Variants in MMP21 observed in about 807,000 individuals in gnomAD.
MMP21 encodes matrix metalloproteinase-21.
A neutral mutation model predicts 47.8 loss-of-function variants in MMP21; 40 were observed. The observed-to-expected ratio is 0.84, with a 90% confidence interval of 0.65 to 1.09. MMP21 has a LOEUF of 1.09. MMP21 is among the 50% of genes least tolerant of loss of function. The probability of loss-of-function intolerance (pLI) is 0.00; values close to 1 mark genes in which losing one functional copy is unlikely to be tolerated. For missense variants in MMP21, 747 were observed against 775.3 expected, an observed-to-expected ratio of 0.96 and a Z score of 0.43; for synonymous variants, 341 against 318.0, an observed-to-expected ratio of 1.07 and a Z score of -0.77.
In MMP21 at chr10:125,772,392, G is replaced by A. The variant is rs1490583126; in HGVS notation, c.838-33C>T. The A allele has an allele frequency of 1.2e-6, 2 of 1,612,822 alleles. No homozygotes were observed. Among genetic ancestry groups the A allele is most frequent in the South Asian group, 1.1e-5 (1 of 90,962 alleles). On this transcript the variant is annotated intron_variant, in intron 3 of 6. Transcript: ENST00000368808. The surrounding 1 kb of genome is among the most constrained non-coding windows in gnomAD (Gnocchi z 5.6). ...GGGACACACACCATGGGTGCTGGGT[G>A]AAGCCTGGGCGATGGATCCCTGCAT...
chr10:125,775,616 T>TGC, intron 1 of MMP21, 44 bp downstream of exon 1: 1 of 1,542,312 alleles, frequency 6.5e-7, no homozygotes, highest in Non-Finnish European at 8.8e-7. Context: ...TGTGTGCACG[T>TGC]GCACGGGCCT....
At position 125,774,227 on chromosome 10, in the gene MMP21, TGGCC is replaced by T. The variant is rs1016374413; in HGVS notation, c.297_300del (p.Ser101GlyfsTer8). ...AGGGTGGCCGCGTCCAGCTCCCCGC[TGGCC>T]GGCAGCGCGTTCGCCCGCTGGAACC... is the stretch of plus-strand genomic sequence containing the variant. On this transcript the variant is annotated frameshift_variant, in exon 2 of 7. Transcript: ENST00000368808. LOFTEE classifies it high-confidence loss of function. 7.2e-7 allele frequency: 1 copy of T among 1,392,300 alleles called. No homozygotes were observed. The highest frequency in any genetic ancestry group is 1.5e-5 in the African/African-American group (1 of 65,744). 86.2% of individuals were successfully genotyped at this position (1,392,300 alleles called of 1,614,324 possible).
intron 5 of MMP21, among the ~76,000 whole-genome samples, chr10:125,769,849 G>A (rs1008870712): frequency 3.3e-5 from 5 of 152,184 alleles, no homozygotes; most frequent in East Asian, 1.9e-4. Context: ...ACTTAGTGCC[G>A]TCTTAAAAAG....
Position 125,774,338 on chromosome 10 carries a change from C to A in MMP21, c.190G>T (p.Gly64Trp). ...CTGGGCCCCCAGGCCGCCCACACCC[C>A]TGACCAGCCGTATCTGGACAGGAAC... is the stretch of plus-strand genomic sequence containing the variant. ...QRFLSRYGWS[G>W]VWAAWGPSPE... Residue 64 changes from glycine (G) to tryptophan (W), a missense_variant, in exon 2 of 7, where the codon GGG (glycine) becomes TGG (tryptophan). Gly to Trp is a radical substitution (Grantham distance 184). Transcript: ENST00000368808. 1 of 1,398,800 alleles carries A rather than the reference C, an allele frequency of 7.1e-7. No individual in the cohort carries two copies. Among genetic ancestry groups the A allele is most frequent in the African/African-American group, 1.5e-5 (1 of 66,062 alleles). The allele number at this position is 1,398,800 out of a possible 1,614,324, so 86.6% of individuals were successfully genotyped here.
At position 125,766,703 on chromosome 10, in the gene MMP21, A is replaced by G. The variant is rs1404456178; in HGVS notation, c.1669T>C (p.Phe557Leu). The G allele has an allele frequency of 6.2e-7, 1 of 1,613,404 alleles. No individual in the cohort carries two copies. Among genetic ancestry groups the G allele is most frequent in the Non-Finnish European group, 8.5e-7 (1 of 1,179,868 alleles). ...FPKKFISEKW[F>L]DVCDVHISTL... ...GAGATATGGACGTCACAAACATCAA[A>G]CCACTTCTCTGAAATAAACTTTTTT... is the stretch of plus-strand genomic sequence containing the variant. Residue 557 changes from phenylalanine (F) to leucine (L), a missense_variant, in exon 7 of 7, where the codon TTT (phenylalanine) becomes CTT (leucine). Phe to Leu is a conservative substitution (Grantham distance 22). Coordinates refer to ENST00000368808, the MANE Select transcript of MMP21 (RefSeq NM_147191.1).
chr10:125,775,684 G>A lies in MMP21; in HGVS notation c.138C>T (p.Pro46=), dbSNP rs375341697. 18 of 1,611,226 alleles carry A rather than the reference G, an allele frequency of 1.1e-5. No individual in the cohort carries two copies. Among genetic ancestry groups the A allele is most frequent in the Non-Finnish European group, 1.7e-6 (2 of 1,178,488 alleles). The change falls in exon 1 of 7, where the codon CCC becomes CCT. Residue 46 remains proline (P), a synonymous_variant. Transcript: ENST00000368808. ...LEPSPLRQAK[P]IADLHAAQRF... ...CCTGAGCAGCGTGGAGGTCGGCAAT[G>A]GGCTTGGCCTGGCGCAGTGGGGACG...
Position 125,773,309 on chromosome 10 carries a change from T to C in MMP21, c.697+522A>G, listed in dbSNP as rs146685348. Among the ~76,000 whole-genome samples, 277 of 152,054 alleles carry C rather than the reference T, an allele frequency of 1.8e-3. No individual in the cohort carries two copies. Among genetic ancestry groups the C allele is most frequent in the African/African-American group, 6.5e-3 (271 of 41,478 alleles). On this transcript the variant is annotated intron_variant, in intron 2 of 6. Coordinates refer to ENST00000368808, the MANE Select transcript of MMP21 (RefSeq NM_147191.1). This position sits in a 1 kb window ranked among gnomAD's most constrained non-coding sequence, Gnocchi z 4.8. ...GGTGCCTTTTTGTGGGTATCCCAGA[T>C]CCCACCCATCCTTGAGTCTAGGCCA...
chr10:125,773,861 C>A lies in MMP21; in HGVS notation c.667G>T (p.Ala223Ser). ...CCAAAGCCCAGCTTGATGTCGACCG[C>A]GGCCCCGGGGGCGGCCAGGTCCTCG... ...FREDLAAPGA[A>S]VDIKLGFGRG... Residue 223 changes from alanine (A) to serine (S), a missense_variant, in exon 2 of 7, where the codon GCG becomes TCG. Ala to Ser is a moderately conservative substitution (Grantham distance 99). Transcript: ENST00000368808. The surrounding 1 kb of genome is among the most constrained non-coding windows in gnomAD (Gnocchi z 4.8). 1.9e-6 allele frequency: 3 copies of A among 1,567,966 alleles called. No individual in the cohort carries two copies. Among genetic ancestry groups the A allele is most frequent in the Admixed American group, 1.8e-5 (1 of 57,042 alleles).
At chr10:125,768,736 T>A (rs1174706119) in intron 5 of MMP21, among the ~76,000 whole-genome samples, 1 of 152,256 alleles carries the variant, frequency 6.6e-6, no homozygotes, top group Non-Finnish European at 1.5e-5. Context: ...ATTGTAGCAG[T>A]TACCCTATGA....
In MMP21 at chr10:125,774,302, G is replaced by C; in HGVS notation, c.226C>G (p.Pro76Ala). Residue 76 changes from proline (P) to alanine (A), a missense_variant, in exon 2 of 7, where the codon CCG becomes GCG. Pro to Ala is a conservative substitution (Grantham distance 27). Transcript: ENST00000368808. ...WAAWGPSPEG[P>A]PETPKGAALA... ...GCGGCGCCCTTGGGGGTCTCCGGCG[G>C]CCCCTCGGGACTGGGCCCCCAGGCC... 7.1e-7 allele frequency: 1 copy of C among 1,416,908 alleles called. No individual in the cohort carries two copies. The highest frequency in any genetic ancestry group is 9.1e-7 in the Non-Finnish European group (1 of 1,093,548). The allele number at this position is 1,416,908 out of a possible 1,614,324, so 87.8% of individuals were successfully genotyped here.
At chr10:125,769,012 T>C (rs1163711266) in intron 5 of MMP21, among the ~76,000 whole-genome samples, 2 of 152,202 alleles carry the variant, frequency 1.3e-5, no homozygotes, top group African/African-American at 4.8e-5. Flanking sequence ...GTTAAGTCTT[T>C]TTGAGCAATT....
At chr10:125,768,036 A>G (rs762248793) in intron 5 of MMP21, among the ~76,000 whole-genome samples, 1 of 152,112 alleles carries the variant, frequency 6.6e-6, no homozygotes, top group Non-Finnish European at 1.5e-5. Context: ...AGCAAAAATC[A>G]TGTCATTTTT....
In MMP21 at chr10:125,774,148, G is replaced by A. The variant is rs1429626350; in HGVS notation, c.380C>T (p.Pro127Leu). The A allele has an allele frequency of 3.1e-6, 4 of 1,278,922 alleles. No individual in the cohort carries two copies. In the South Asian group the frequency reaches 1.0e-4, roughly 34 times the overall value. The allele number at this position is 1,278,922 out of a possible 1,614,324, so 79.2% of individuals were successfully genotyped here. Residue 127 changes from proline (P) to leucine (L), a missense_variant, in exon 2 of 7, where the codon CCC becomes CTC. Transcript: ENST00000368808. ...CGVPDMRPPP[P>L]SAPPSPPGPP... ...GCCCGGGGGCGAAGGCGGGGCGGAG[G>A]GGGGCGGTGGGCGCATGTCCGGGAC...
At chr10:125,769,380 C>A (rs1850421118) in intron 5 of MMP21, among the ~76,000 whole-genome samples, 2 of 152,224 alleles carry the variant, frequency 1.3e-5, no homozygotes, top group South Asian at 2.1e-4. Flanking sequence ...CCAGCCCCGA[C>A]CCTGGCATTC....
Position 125,774,065 on chromosome 10 carries a change from G to A in MMP21, c.463C>T (p.Arg155Trp), listed in dbSNP as rs1366814724. Residue 155 changes from arginine to tryptophan, a missense_variant, in exon 2 of 7, where the codon CGG (arginine) becomes TGG (tryptophan). Physicochemically the swap from Arg to Trp is moderately radical, Grantham distance 101. Transcript: ENST00000368808. ...GGGTAGCCCCGGGGCTGCCAACCCC[G>A]CCGGGACAAGGACAGCGGCGCCCGC... is the stretch of plus-strand genomic sequence containing the variant. Reference protein sequence around the residue: ...SPRAPLSLSRRGWQPRGYPDG... With the variant: ...SPRAPLSLSRWGWQPRGYPDG... The A allele has an allele frequency of 1.4e-6, 2 of 1,445,224 alleles. No homozygotes were observed. Among genetic ancestry groups the A allele is most frequent in the Non-Finnish European group, 1.8e-6 (2 of 1,102,214 alleles). 89.5% of individuals were successfully genotyped at this position (1,445,224 alleles called of 1,614,324 possible). A position where few individuals can be genotyped will look rare whatever the true frequency, so the allele number is the denominator to read the frequency against.
At position 125,773,787 on chromosome 10, in the gene MMP21, C is replaced by T. The variant is rs1251774675; in HGVS notation, c.697+44G>A. Reference sequence around the variant, plus strand: ...GTGGGGGTAGGTGCGCCGGGGTCCCCGAGGGGCTGGGTCGGGCAGGCAGGG... The same window carrying T: ...GTGGGGGTAGGTGCGCCGGGGTCCCTGAGGGGCTGGGTCGGGCAGGCAGGG... On this transcript the variant is annotated intron_variant, in intron 2 of 6. Coordinates refer to ENST00000368808, the MANE Select transcript of MMP21 (RefSeq NM_147191.1). This position sits in a 1 kb window ranked among gnomAD's most constrained non-coding sequence, Gnocchi z 4.8. 11 of 1,457,044 alleles carry T rather than the reference C, an allele frequency of 7.5e-6. No individual in the cohort carries two copies. Among genetic ancestry groups the T allele is most frequent in the South Asian group, 1.4e-5 (1 of 71,114 alleles). 90.3% of individuals were successfully genotyped at this position (1,457,044 alleles called of 1,614,324 possible).
At position 125,773,541 on chromosome 10, in the gene MMP21, A is replaced by G. The variant is rs1005227710; in HGVS notation, c.697+290T>C. 5.3e-5 allele frequency among the ~76,000 whole-genome samples: 8 copies of G among 152,084 alleles called. No individual in the cohort carries two copies. The highest frequency in any genetic ancestry group is 1.2e-4 in the Non-Finnish European group (8 of 68,002). ...AGCTGCTGCTCCCTAGGGAAGCTGG[A>G]GGCACAGGCAGGGGGCCCGAGTGGG... On this transcript the variant is annotated intron_variant, in intron 2 of 6. Transcript: ENST00000368808. This position sits in a 1 kb window ranked among gnomAD's most constrained non-coding sequence, Gnocchi z 4.8.
rs775235284 is a variant in MMP21, at chr10:125,766,951, A to G, written c.1421T>C (p.Phe474Ser). The change falls in exon 7 of 7, where the codon TTT becomes TCT. Residue 474 changes from phenylalanine to serine, a missense_variant. Physicochemically the swap from Phe to Ser is radical, Grantham distance 155. Transcript: ENST00000368808. ...AAGTACTCGATTTCTGTTGACATCA[A>G]ATGCAAATACCTGCAAAGCAAATAA... Reference protein sequence around the residue: ...YFFKESLVFAFDVNRNRVLNS... With the variant: ...YFFKESLVFASDVNRNRVLNS... 1.9e-6 allele frequency: 3 copies of G among 1,585,098 alleles called. No homozygotes were observed. Among genetic ancestry groups the G allele is most frequent in the East Asian group, 2.2e-5 (1 of 44,594 alleles).
chr10:125,770,093 G>T (rs1030324528), intron 5 of MMP21, among the ~76,000 whole-genome samples: 1 of 152,164 alleles, frequency 6.6e-6, no homozygotes, highest in Non-Finnish European at 1.5e-5. Context: ...GGTCAAGGCT[G>T]TAGTGAGCCG....
Sources: gnomAD v4.1 joint callset for allele counts (sites outside exome capture counted in the v4.1 genomes callset) on GRCh38, gnomAD v4.1.1 for gene constraint, Gnocchi (gnomAD v3.1) non-coding constraint, MANE v1.5 for transcripts, NCBI Gene and HGNC (gene_info 2026-07-23, HGNC 2026-07-21) for gene names.